ZBTB8B: variants seen among roughly 807,000 people sequenced by gnomAD.
ZBTB8B encodes the protein zinc finger and BTB domain-containing protein 8B.
ZBTB8B carries 17 observed loss-of-function variants against 30.3 expected under a neutral mutation model. The observed-to-expected ratio is 0.56, with a 90% CI of 0.38 to 0.84. The LOEUF (loss-of-function observed/expected upper bound fraction) is 0.84. ZBTB8B is among the 40% of genes least tolerant of loss of function. The pLI is 0.00. For synonymous variants in ZBTB8B, 248 were observed against 255.6 expected, an observed-to-expected ratio of 0.97 and a Z score of 0.28; for missense variants, 515 against 644.9, an observed-to-expected ratio of 0.80 and a Z score of 2.18.
At chr1:32,466,047 A>C (rs1369849235) in intron 1 of ZBTB8B, among the ~76,000 whole-genome samples, 1 of 152,198 alleles carries the variant, frequency 6.6e-6, no homozygotes, top group Admixed American at 6.5e-5. Flanking sequence ...CCTTTTAAAA[A>C]TTTTAATTTA....
At position 32,493,458 on chromosome 1, in the gene ZBTB8B, A is replaced by T. The variant is rs1004207872; in HGVS notation, c.*8040A>T. 4.7e-5 allele frequency: 7 copies of T among 150,362 alleles called. No individual in the cohort carries two copies. Among genetic ancestry groups the T allele is most frequent in the Admixed American group, 4.6e-4 (7 of 15,088 alleles). The allele number at this position is 150,362 out of a possible 1,614,324, so 9.3% of individuals were successfully genotyped here. A position where few individuals can be genotyped will look rare whatever the true frequency, so the allele number is the denominator to read the frequency against. Reference sequence around the variant, plus strand: ...GCCTGACTGGGTGGTTTTCTTTTTTAAAAAATAATATGGTTTTCTGGCCGG... The same window carrying T: ...GCCTGACTGGGTGGTTTTCTTTTTTTAAAAATAATATGGTTTTCTGGCCGG... On this transcript the variant is annotated 3_prime_UTR_variant, in exon 4 of 4. Coordinates refer to ENST00000609129, the MANE Select transcript of ZBTB8B (RefSeq NM_001145720.2).
At chr1:32,483,633 G>C (rs1275389503) in intron 3 of ZBTB8B, among the ~76,000 whole-genome samples, 1 of 151,886 alleles carries the variant, frequency 6.6e-6, no homozygotes, top group Non-Finnish European at 1.5e-5. Flanking sequence ...AACATGGCAT[G>C]TGTATACATA....
chr1:32,475,481 G>C (rs952120698), intron 2 of ZBTB8B, among the ~76,000 whole-genome samples: 7 of 152,176 alleles, frequency 4.6e-5, no homozygotes, highest in Admixed American at 6.5e-5. Flanking sequence ...AGCTACTCGG[G>C]AGGCTGAGGC....
chr1:32,474,473 G>A (rs762647519), intron 2 of ZBTB8B, among the ~76,000 whole-genome samples: 26 of 150,612 alleles, frequency 1.7e-4, no homozygotes, highest in African/African-American at 5.6e-4. Flanking sequence ...CTGGGAGGTC[G>A]AGGCTGCGGT....
In ZBTB8B at chr1:32,477,094, C is replaced by T. The variant is rs949572427; in HGVS notation, c.992-3797C>T. On this transcript the variant is annotated intron_variant, in intron 2 of 3. Coordinates refer to ENST00000609129, the MANE Select transcript of ZBTB8B (RefSeq NM_001145720.2). ...CTTCCTCTGCCCAAGATACCTTTCT[C>T]TGTCTTGAAGTCCTGGTGAACTCCT... Among the ~76,000 whole-genome samples, 5 of 152,180 alleles carry T rather than the reference C, an allele frequency of 3.3e-5. No homozygotes were observed. In the South Asian group the frequency reaches 1.0e-3, roughly 31 times the overall value.
chr1:32,471,614 A>G lies in ZBTB8B; in HGVS notation c.990A>G (p.Ser330=). 4 of 1,548,184 alleles carry G rather than the reference A, an allele frequency of 2.6e-6. No individual in the cohort carries two copies. The highest frequency in any genetic ancestry group is 3.5e-6 in the Non-Finnish European group (4 of 1,144,108). ...AGGCTGACTGGTATGGAGAGGACTC[A>G]GGTGAGCTCCCTTAGCATTCATCAG... The part of the protein sequence containing the change: ...DVQADWYGED[S]GDVLVVPIKL... The change falls in exon 2 of 4, where the codon TCA becomes TCG. Residue 330 remains serine (S), a splice_region_variant and synonymous_variant. Transcript: ENST00000609129.
intron 2 of ZBTB8B, among the ~76,000 whole-genome samples, chr1:32,475,324 A>G (rs1006257938): frequency 6.6e-6 from 1 of 152,164 alleles, no homozygotes; most frequent in Non-Finnish European, 1.5e-5. Context: ...GCTCATGCCT[A>G]TAATCACAGC....
At chr1:32,469,763 T>C (rs1258253464) in intron 1 of ZBTB8B, among the ~76,000 whole-genome samples, 1 of 152,202 alleles carries the variant, frequency 6.6e-6, no homozygotes, top group Non-Finnish European at 1.5e-5. Context: ...TTATAAAAAT[T>C]CATTGAAAGA....
intron 1 of ZBTB8B, among the ~76,000 whole-genome samples, chr1:32,467,591 T>C (rs999027307): frequency 6.6e-6 from 1 of 152,180 alleles, no homozygotes; most frequent in African/African-American, 2.4e-5. Flanking sequence ...GTTTATCTAC[T>C]AAGCAGTTAA....
Position 32,489,806 on chromosome 1 carries a change from G to C in ZBTB8B, c.*4388G>C, listed in dbSNP as rs561336037. The C allele has an allele frequency of 6.6e-6, 1 of 152,234 alleles. No homozygotes were observed. The highest frequency in any genetic ancestry group is 1.5e-5 in the Non-Finnish European group (1 of 68,008). The allele number at this position is 152,234 out of a possible 1,614,324, so 9.4% of individuals were successfully genotyped here. On this transcript the variant is annotated 3_prime_UTR_variant, in exon 4 of 4. Coordinates refer to ENST00000609129, the MANE Select transcript of ZBTB8B (RefSeq NM_001145720.2). ...AAAGTTGAGAAGGAATGTAAATAGG[G>C]CCTTACCTATAATAATTAAGAAATG...
chr1:32,465,834 G>A lies in ZBTB8B; in HGVS notation c.-42+729G>A, dbSNP rs1643566375. 6.6e-6 allele frequency among the ~76,000 whole-genome samples: 1 copy of A among 152,134 alleles called. No individual in the cohort carries two copies. Among genetic ancestry groups the A allele is most frequent in the African/African-American group, 2.4e-5 (1 of 41,432 alleles). On this transcript the variant is annotated intron_variant, in intron 1 of 3. Coordinates refer to ENST00000609129, the MANE Select transcript of ZBTB8B (RefSeq NM_001145720.2). This position sits in a 1 kb window ranked among gnomAD's most constrained non-coding sequence, Gnocchi z 4.1. Reference sequence around the variant, plus strand: ...GAATCTCAGTTCCTCCTCTGAAAAAGAGGATGTAGTTAGAGTATCTGTCGT... The same window carrying A: ...GAATCTCAGTTCCTCCTCTGAAAAAAAGGATGTAGTTAGAGTATCTGTCGT...
rs748497497 is a variant in ZBTB8B, at chr1:32,465,791, G to T, written c.-42+686G>T. On this transcript the variant is annotated intron_variant, in intron 1 of 3. Coordinates refer to ENST00000609129, the MANE Select transcript of ZBTB8B (RefSeq NM_001145720.2). This position sits in a 1 kb window ranked among gnomAD's most constrained non-coding sequence, Gnocchi z 4.1. ...ATCTCTGTTCTATTACTAACTTGGT[G>T]ATGTTATCTGCATCTTTGAATCTCA... Among the ~76,000 whole-genome samples the T allele has an allele frequency of 1.6e-4, 25 of 152,176 alleles. No homozygotes were observed. Among genetic ancestry groups the T allele is most frequent in the Admixed American group, 6.5e-4 (10 of 15,272 alleles).
At chr1:32,479,452 G>A (rs1459947130) in intron 2 of ZBTB8B, among the ~76,000 whole-genome samples, 1 of 152,122 alleles carries the variant, frequency 6.6e-6, no homozygotes. Flanking sequence ...GCACCCAGGA[G>A]GTGGAGGTTG....
chr1:32,486,597 A>G lies in ZBTB8B; in HGVS notation c.*1179A>G, dbSNP rs974982963. On this transcript the variant is annotated 3_prime_UTR_variant, in exon 4 of 4. Transcript: ENST00000609129. Reference sequence around the variant, plus strand: ...ACTTCCAAGCCGCTGGGTGGTTGCCATGATAAGGGGCAGTGACTTCCAGGT... The same window carrying G: ...ACTTCCAAGCCGCTGGGTGGTTGCCGTGATAAGGGGCAGTGACTTCCAGGT... The G allele has an allele frequency of 3.3e-5, 5 of 152,192 alleles. No homozygotes were observed. Among genetic ancestry groups the G allele is most frequent in the Non-Finnish European group, 5.9e-5 (4 of 68,042 alleles). 9.4% of individuals were successfully genotyped at this position (152,192 alleles called of 1,614,324 possible). A position where few individuals can be genotyped will look rare whatever the true frequency, so the allele number is the denominator to read the frequency against.
chr1:32,469,247 T>C (rs1052196840), intron 1 of ZBTB8B, among the ~76,000 whole-genome samples: 3 of 19,896 alleles, frequency 1.5e-4, no homozygotes, highest in African/African-American at 5.3e-4. Flanking sequence ...TCAAGTATAA[T>C]TTTTTTTTTT....
At chr1:32,474,184 CAG>C (rs1048175133) in intron 2 of ZBTB8B, among the ~76,000 whole-genome samples, 1 of 151,070 alleles carries the variant, frequency 6.6e-6, no homozygotes, top group African/African-American at 2.4e-5. Flanking sequence ...CAAGAGCACT[CAG>C]TGTGTCTGAT....
chr1:32,470,939 G>T lies in ZBTB8B; in HGVS notation c.315G>T (p.Leu105=). 6.4e-7 allele frequency: 1 copy of T among 1,552,264 alleles called. No individual in the cohort carries two copies. The highest frequency in any genetic ancestry group is 1.2e-5 in the South Asian group (1 of 84,068). Residue 105 remains leucine, a synonymous_variant, in exon 2 of 4, where the codon CTG becomes CTT. Coordinates refer to ENST00000609129, the MANE Select transcript of ZBTB8B (RefSeq NM_001145720.2). Reference sequence around the variant, plus strand: ...AAGTGATGTCGGCTGCCAGCTACCTGCAGATGAATGACGTGGTGAACTTCT... The same window carrying T: ...AAGTGATGTCGGCTGCCAGCTACCTTCAGATGAATGACGTGGTGAACTTCT... ...VIEVMSAASY[L]QMNDVVNFCK...
In ZBTB8B at chr1:32,487,816, C is replaced by A. The variant is rs546546854; in HGVS notation, c.*2398C>A. 6.6e-6 allele frequency: 1 copy of A among 151,952 alleles called. No individual in the cohort carries two copies. The highest frequency in any genetic ancestry group is 2.1e-4 in the South Asian group (1 of 4,806). The allele number at this position is 151,952 out of a possible 1,614,324, so 9.4% of individuals were successfully genotyped here. ...TCGTGCCACTCCACTCCAGCCTGGG[C>A]AACAGTGTGAGACCTTGTCTCAAAA... is the stretch of plus-strand genomic sequence containing the variant. On this transcript the variant is annotated 3_prime_UTR_variant, in exon 4 of 4. Coordinates refer to ENST00000609129, the MANE Select transcript of ZBTB8B (RefSeq NM_001145720.2).
In ZBTB8B at chr1:32,494,599, CACACATATCTAAA is replaced by C. The variant is rs1289084442; in HGVS notation, c.*9185_*9197del. ...AGTTAATTTCTTTGTCCTGTAATAC[CACACATATCTAAA>C]ACATAAACCACCATGGAACACACTC... On this transcript the variant is annotated 3_prime_UTR_variant, in exon 4 of 4. Transcript: ENST00000609129. 1 of 152,034 alleles carries C rather than the reference CACACATATCTAAA, an allele frequency of 6.6e-6. No individual in the cohort carries two copies. The highest frequency in any genetic ancestry group is 6.6e-5 in the Admixed American group (1 of 15,248). The allele number at this position is 152,034 out of a possible 1,614,324, so 9.4% of individuals were successfully genotyped here.
Sources: allele counts gnomAD v4.1 joint callset (sites outside exome capture counted in the v4.1 genomes callset), GRCh38; gene constraint gnomAD v4.1.1; non-coding constraint Gnocchi (gnomAD v3.1); transcripts MANE v1.5; gene names NCBI Gene and HGNC (gene_info 2026-07-23, HGNC 2026-07-21).